Variants in SAMSN1 observed in about 807,000 individuals in gnomAD.
SAMSN1 encodes SAM domain, SH3 domain and nuclear localization signals 1.
SAMSN1 carries 31 observed loss-of-function variants against 42.0 expected under a neutral mutation model. The ratio of observed to expected loss-of-function variants is 0.74; its 90% CI spans 0.55 to 1.00. SAMSN1 has a LOEUF of 1.00. Ranked by LOEUF, SAMSN1 falls within the 50% of genes least tolerant of loss-of-function variation. The pLI, the probability that SAMSN1 is intolerant of heterozygous loss-of-function variation, is 0.00. For synonymous variants in SAMSN1, 178 were observed against 151.9 expected (o/e 1.17, Z -1.26); for missense variants, 464 against 439.4 (o/e 1.06, Z -0.50).
chr21:14,564,707 TC>T (rs1312656201), intron 2 of SAMSN1, among the ~76,000 whole-genome samples: 4 of 152,194 alleles, frequency 2.6e-5, no homozygotes, highest in African/African-American at 9.6e-5. Context: ...ATCCTATCCC[TC>T]CTTCTCTTCC....
At chr21:14,587,383 T>C (rs1321314083), upstream of SAMSN1, among the ~76,000 whole-genome samples, 2 of 152,198 alleles carry the variant, frequency 1.3e-5, no homozygotes, top group African/African-American at 4.8e-5. Flanking sequence ...CTATTTGATA[T>C]TCAGCAATGT....
intron 2 of SAMSN1, among the ~76,000 whole-genome samples, chr21:14,579,156 G>A (rs549122333): frequency 2.4e-4 from 36 of 152,146 alleles, no homozygotes; most frequent in African/African-American, 6.7e-4. Context: ...CTCAAATCCC[G>A]GAGTGTAAGT....
chr21:14,658,624 C>A, intron 1 of SAMSN1: 1 of 621,740 alleles, frequency 1.6e-6, no homozygotes, highest in Non-Finnish European at 2.9e-6. Context: ...GTGATGTGAA[C>A]TTTCTGAGAT....
chr21:14,644,969 G>C (rs920525428), intron 1 of SAMSN1, among the ~76,000 whole-genome samples: 2 of 152,178 alleles, frequency 1.3e-5, no homozygotes, highest in African/African-American at 4.8e-5. Context: ...GAAGGCTGGT[G>C]TGGTTTGAGT....
chr21:14,592,691 T>C (rs1309650316), intron 7 of SAMSN1: 1 of 310,960 alleles, frequency 3.2e-6, no homozygotes, highest in Non-Finnish European at 6.9e-6. Flanking sequence ...TAATCACAGA[T>C]TATCAGAGTC....
intron 5 of SAMSN1, among the ~76,000 whole-genome samples, chr21:14,604,476 C>T (rs554239441): frequency 2.6e-5 from 4 of 152,174 alleles, no homozygotes; most frequent in South Asian, 4.2e-4. Context: ...CTGCTTGGGA[C>T]GCTGAGGCAG....
chr21:14,556,433 A>T (rs756950703), intron 2 of SAMSN1, among the ~76,000 whole-genome samples: 3 of 152,168 alleles, frequency 2.0e-5, no homozygotes, highest in Non-Finnish European at 2.9e-5. Context: ...GCTAAATCAA[A>T]TTTCCTATGT....
chr21:14,630,670 A>G (rs977060715), intron 2 of SAMSN1, among the ~76,000 whole-genome samples: 7 of 152,230 alleles, frequency 4.6e-5, no homozygotes, highest in Non-Finnish European at 8.8e-5. Flanking sequence ...TTTTTAGTCA[A>G]CGTAATCTGT....
intron 4 of SAMSN1, among the ~76,000 whole-genome samples, chr21:14,610,127 TGCCTGTGGGCCGG>T (rs1468756445): frequency 2.6e-5 from 4 of 152,348 alleles, no homozygotes; most frequent in African/African-American, 9.6e-5. Flanking sequence ...AAAGTCTGGC[TGCCTGTGGGCCGG>T]GCATGATGGA....
intron 2 of SAMSN1, among the ~76,000 whole-genome samples, chr21:14,561,926 G>A (rs980718305): frequency 7.9e-5 from 12 of 152,068 alleles, no homozygotes; most frequent in Admixed American, 6.6e-4. Flanking sequence ...GAAGAAACAA[G>A]GAAGGAGTCT....
At chr21:14,566,634 T>C (rs1981128788) in intron 2 of SAMSN1, among the ~76,000 whole-genome samples, 1 of 151,892 alleles carries the variant, frequency 6.6e-6, no homozygotes, top group African/African-American at 2.4e-5. Context: ...GCCTCCCGGG[T>C]TCAAGCTATT....
chr21:14,557,361 G>C (rs9980490), intron 2 of SAMSN1, among the ~76,000 whole-genome samples: 87,344 of 152,072 alleles, frequency 0.57, 26,046 homozygotes, highest in East Asian at 0.79. Flanking sequence ...GACACAGAGA[G>C]AGTCTTAACA....
chr21:14,573,029 C>A (rs922709256), intron 2 of SAMSN1, among the ~76,000 whole-genome samples: 5 of 152,122 alleles, frequency 3.3e-5, no homozygotes, highest in African/African-American at 1.2e-4. Context: ...CATAAAATTA[C>A]CTGAAATAAA....
rs553000432 is a variant in SAMSN1, at chr21:14,530,399, A to G, written c.58-9178T>C. On this transcript the variant is annotated intron_variant, in intron 1 of 7. Transcript: ENST00000400566. ...TAAAGTTATGATAAGTAAGAAAGGTAGTGGAACATATGCTATGTATAAGAT... is the reference window on the plus strand; with the variant it reads ...TAAAGTTATGATAAGTAAGAAAGGTGGTGGAACATATGCTATGTATAAGAT... Among the ~76,000 whole-genome samples, 60 of 151,908 alleles carry G rather than the reference A, an allele frequency of 3.9e-4. 1 individual carries two copies. Among genetic ancestry groups the G allele is most frequent in the Non-Finnish European group, 7.2e-4 (49 of 67,970 alleles).
At chr21:14,526,931 A>G (rs2822744) in intron 1 of SAMSN1, among the ~76,000 whole-genome samples, 127,944 of 152,216 alleles carry the variant, frequency 0.84, 54,003 homozygotes, top group East Asian at 1. Context: ...TTCTTAGCCA[A>G]CCACTAACTT....
chr21:14,597,148 G>A (rs939726422), intron 6 of SAMSN1, among the ~76,000 whole-genome samples: 2 of 151,754 alleles, frequency 1.3e-5, no homozygotes, highest in Admixed American at 1.3e-4. Flanking sequence ...CTTTTAGATT[G>A]TTCACACTTT....
chr21:14,485,585 T>G lies in SAMSN1; in HGVS notation c.*327A>C, dbSNP rs1052930644. ...CAAAACTGGCAGGTATGAAAAAAGG[T>G]TACTTTGTTTTTTGCAGATACTGTA... On this transcript the variant is annotated 3_prime_UTR_variant, in exon 8 of 8. Coordinates refer to ENST00000400566, the MANE Select transcript of SAMSN1 (RefSeq NM_022136.5). 5.6e-6 allele frequency: 1 copy of G among 177,912 alleles called. No individual in the cohort carries two copies. Among genetic ancestry groups the G allele is most frequent in the Non-Finnish European group, 1.2e-5 (1 of 83,544 alleles). 11.0% of individuals were successfully genotyped at this position (177,912 alleles called of 1,614,324 possible).
At chr21:14,616,202 T>C (rs973643285) in intron 2 of SAMSN1, among the ~76,000 whole-genome samples, 3 of 152,150 alleles carry the variant, frequency 2.0e-5, no homozygotes, top group African/African-American at 7.2e-5. Context: ...GTCACAGAAG[T>C]TTGGCTCACA....
chr21:14,551,156 T>G (rs951784199), upstream of SAMSN1, among the ~76,000 whole-genome samples: 6 of 152,072 alleles, frequency 3.9e-5, no homozygotes, highest in African/African-American at 1.2e-4. Context: ...TGGTTAGAGT[T>G]GCTAGTCATA....
Sources: gnomAD v4.1 joint callset for allele counts (sites outside exome capture counted in the v4.1 genomes callset) on GRCh38, gnomAD v4.1.1 for gene constraint, MANE v1.5 for transcripts, NCBI Gene and HGNC (gene_info 2026-07-23, HGNC 2026-07-21) for gene names.